The following MLIP variants were observed in gnomAD, a reference collection of about 807,000 sequenced individuals.
MLIP encodes muscular LMNA-interacting protein.
MLIP carries 79 observed loss-of-function variants against 84.8 expected under a neutral mutation model. That is an observed-to-expected ratio of 0.93 (90% CI 0.78 to 1.12). The LOEUF is 1.12. Among genes scored for constraint, MLIP ranks in the 50% most tolerant of loss-of-function variants. MLIP has a pLI of 0.00. For synonymous variants in MLIP, 504 were observed against 463.0 expected (o/e 1.09, Z -1.14); for missense variants, 1,257 against 1,160.6 (o/e 1.08, Z -1.21).
In MLIP at chr6:54,230,742, C is replaced by T. The variant is rs375482204; in HGVS notation, c.2747C>T (p.Ser916Leu). 34 of 1,613,952 alleles carry T rather than the reference C, an allele frequency of 2.1e-5. No individual in the cohort carries two copies. The highest frequency in any genetic ancestry group is 1.6e-4 in the Middle Eastern group (1 of 6,084). The change falls in exon 12 of 14, where the codon TCG (serine) becomes TTG (leucine). Residue 916 changes from serine (S) to leucine (L), a missense_variant. Ser to Leu is a moderately radical substitution (Grantham distance 145, BLOSUM62 -2). Coordinates refer to ENST00000502396, the MANE Select transcript of MLIP (RefSeq NM_001281747.2). ...QDVTVPPKPV[S>L]LHPLYQTKLY... Reference sequence around the variant, plus strand: ...GTAACAGTCCCTCCCAAGCCTGTCTCGCTCCATCCTTTATATCAGACTAAA... The same window carrying T: ...GTAACAGTCCCTCCCAAGCCTGTCTTGCTCCATCCTTTATATCAGACTAAA...
At chr6:54,054,127 G>T (rs936382853) in intron 1 of MLIP, among the ~76,000 whole-genome samples, 1 of 152,132 alleles carries the variant, frequency 6.6e-6, no homozygotes, top group Non-Finnish European at 1.5e-5. Context: ...CCAAAGTGGT[G>T]AAAGTTCTTA....
intron 12 of MLIP, among the ~76,000 whole-genome samples, chr6:54,249,734 C>CACACACATATAT (rs145607176): frequency 7.8e-5 from 10 of 127,710 alleles, no homozygotes; most frequent in African/African-American, 2.9e-4. Context: ...CACACACACA[C>CACACACATATAT]ATATATATAT....
chr6:54,089,997 T>C (rs936196563), intron 1 of MLIP, among the ~76,000 whole-genome samples: 2 of 152,158 alleles, frequency 1.3e-5, no homozygotes, highest in African/African-American at 2.4e-5. Context: ...TCTCCCCCTT[T>C]TAAATAGCCT....
At chr6:54,216,633 A>G in intron 11 of MLIP, 1 of 971,774 alleles carries the variant, frequency 1.0e-6, no homozygotes, top group Non-Finnish European at 1.2e-6. Context: ...GATTTCAAAT[A>G]GCTAAGCATA....
chr6:54,109,910 TTTC>T (rs1442824022), upstream of MLIP, among the ~76,000 whole-genome samples: 2 of 110,344 alleles, frequency 1.8e-5, no homozygotes, highest in African/African-American at 7.1e-5. Context: ...TTTCTTTCTT[TTTC>T]TTTCTTTCTT....
intron 1 of MLIP, chr6:54,043,531 C>T (rs1764866271): frequency 6.6e-6 from 1 of 152,228 alleles, no homozygotes; most frequent in Admixed American, 6.5e-5. Flanking sequence ...GCTGCTCCAC[C>T]CACAGCCTGA....
chr6:54,091,260 T>G (rs144256200), intron 1 of MLIP, among the ~76,000 whole-genome samples: 1 of 152,178 alleles, frequency 6.6e-6, no homozygotes, highest in South Asian at 2.1e-4. Flanking sequence ...AGTGTGTTGT[T>G]ATACATTGAG....
chr6:54,124,145 T>C (rs1286470844), intron 2 of MLIP, among the ~76,000 whole-genome samples: 1 of 152,210 alleles, frequency 6.6e-6, no homozygotes, highest in Non-Finnish European at 1.5e-5. Context: ...CCAATCCCCA[T>C]TTGTTTCACA....
In MLIP at chr6:54,160,547, C is replaced by A; in HGVS notation, c.2387C>A (p.Thr796Asn). Residue 796 changes from threonine to asparagine, a missense_variant, in exon 7 of 14, where the codon ACT becomes AAT. Thr to Asn is a moderately conservative substitution (Grantham distance 65, BLOSUM62 0). Coordinates refer to ENST00000502396, the MANE Select transcript of MLIP (RefSeq NM_001281747.2). The stretch of plus-strand genomic sequence containing the variant: ...TTTCCTGCACAGCTCAGGCAGCAAA[C>A]TGAAGAGCTCTGTGCTACCATTGAT... ...LYFPAQLRQQ[T>N]EELCATIDKV... 6.2e-7 allele frequency: 1 copy of A among 1,612,578 alleles called. No individual in the cohort carries two copies. The highest frequency in any genetic ancestry group is 8.5e-7 in the Non-Finnish European group (1 of 1,179,160).
At chr6:54,216,849 T>C (rs1246473633) in intron 11 of MLIP, 3 of 985,260 alleles carry the variant, frequency 3.0e-6, no homozygotes, top group Non-Finnish European at 3.6e-6. Context: ...CACAATCTCT[T>C]ATTTCATAGT....
At chr6:54,093,565 G>A (rs1236298488) in intron 1 of MLIP, among the ~76,000 whole-genome samples, 1 of 152,084 alleles carries the variant, frequency 6.6e-6, no homozygotes, top group African/African-American at 2.4e-5. Flanking sequence ...CTGCTAAAAC[G>A]AGGGGGCTTT....
At chr6:54,101,838 T>A (rs1244677424) in intron 1 of MLIP, among the ~76,000 whole-genome samples, 1 of 152,156 alleles carries the variant, frequency 6.6e-6, no homozygotes, top group Non-Finnish European at 1.5e-5. Context: ...AAAGTTATAT[T>A]CCAAAATAAC....
At chr6:54,259,213 A>C (rs1582654688) in intron 13 of MLIP, among the ~76,000 whole-genome samples, 1 of 151,952 alleles carries the variant, frequency 6.6e-6, no homozygotes, top group Non-Finnish European at 1.5e-5. Context: ...TAAAGTTAAT[A>C]ACTTTTTGTC....
chr6:54,259,521 T>C (rs1457611001), intron 13 of MLIP, among the ~76,000 whole-genome samples: 2 of 151,896 alleles, frequency 1.3e-5, no homozygotes, highest in Non-Finnish European at 2.9e-5. Flanking sequence ...TGTTAGGTAA[T>C]GCAAAAGACT....
intron 8 of MLIP, among the ~76,000 whole-genome samples, chr6:54,164,755 T>G (rs968785562): frequency 4.8e-4 from 73 of 152,108 alleles, no homozygotes; most frequent in African/African-American, 1.7e-3. Context: ...TAGAAGGCAT[T>G]TGAAATTCAT....
intron 12 of MLIP, among the ~76,000 whole-genome samples, chr6:54,250,915 C>T (rs982780448): frequency 7.2e-5 from 11 of 152,000 alleles, no homozygotes; most frequent in African/African-American, 2.4e-4. Flanking sequence ...ACTTTTACTT[C>T]CTAACACATT....
At chr6:54,044,678 A>G (rs1436746749) in intron 1 of MLIP, among the ~76,000 whole-genome samples, 1 of 151,634 alleles carries the variant, frequency 6.6e-6, no homozygotes, top group Non-Finnish European at 1.5e-5. Flanking sequence ...TCAAAAGAAG[A>G]CCTTAAGGTT....
At chr6:54,111,632 C>A in intron 1 of MLIP, 57 bp downstream of exon 1, 1 of 1,509,258 alleles carries the variant, frequency 6.6e-7, no homozygotes, top group Non-Finnish European at 8.9e-7. Flanking sequence ...GTGTACGGTG[C>A]TGGTGGTATT....
intron 10 of MLIP, among the ~76,000 whole-genome samples, chr6:54,196,943 T>C (rs1347271499): frequency 6.6e-6 from 1 of 152,100 alleles, no homozygotes; most frequent in East Asian, 1.9e-4. Flanking sequence ...TAAGGTGATG[T>C]TTAAACGGAC....
Sources: allele counts gnomAD v4.1 joint callset (sites outside exome capture counted in the v4.1 genomes callset), GRCh38; gene constraint gnomAD v4.1.1; transcripts MANE v1.5; gene names NCBI Gene and HGNC (gene_info 2026-07-23, HGNC 2026-07-21).